MAPK8IP1: variants seen among roughly 807,000 people sequenced by gnomAD.
MAPK8IP1 encodes C-Jun-amino-terminal kinase-interacting protein 1.
Under a neutral mutation model 72.6 loss-of-function variants are expected in MAPK8IP1, and 17 were observed. The ratio of observed to expected loss-of-function variants is 0.23; its 90% CI spans 0.16 to 0.35. The LOEUF (loss-of-function observed/expected upper bound fraction) is 0.35, where lower values mean the gene tolerates loss of function less well. Among genes scored for constraint, MAPK8IP1 ranks in the 10% least tolerant of loss-of-function variants. The probability of loss-of-function intolerance (pLI) is 1.00; values close to 1 mark genes in which losing one functional copy is unlikely to be tolerated. For synonymous variants in MAPK8IP1, 401 were observed against 443.4 expected (o/e 0.90, Z 1.20); for missense variants, 789 against 1,009.7 (o/e 0.78, Z 2.96).
In MAPK8IP1 at chr11:45,904,323, G is replaced by A. The variant is rs1229998399; in HGVS notation, c.1667-132G>A. On this transcript the variant is annotated intron_variant, in intron 7 of 11. Coordinates refer to ENST00000241014, the MANE Select transcript of MAPK8IP1 (RefSeq NM_005456.4). The surrounding 1 kb of genome is among the most constrained non-coding windows in gnomAD (Gnocchi z 6.4). ...ATCAAGCAAAGTGAGGCCCGGCCAAGTTGGGCAGCCAGGGATTGTGGCAGC... is the reference window on the plus strand; with the variant it reads ...ATCAAGCAAAGTGAGGCCCGGCCAAATTGGGCAGCCAGGGATTGTGGCAGC... 1 of 1,190,670 alleles carries A rather than the reference G, an allele frequency of 8.4e-7. No homozygotes were observed. 73.8% of individuals were successfully genotyped at this position (1,190,670 alleles called of 1,614,324 possible). A position where few individuals can be genotyped will look rare whatever the true frequency, so the allele number is the denominator to read the frequency against.
chr11:45,903,359 C>T lies in MAPK8IP1; in HGVS notation c.1418-6C>T, dbSNP rs1212053792. 1 of 1,613,612 alleles carries T rather than the reference C, an allele frequency of 6.2e-7. No homozygotes were observed. Among genetic ancestry groups the T allele is most frequent in the Non-Finnish European group, 8.5e-7 (1 of 1,179,832 alleles). ...CCCCCATCCAGCCACACCACCTCAC[C>T]TGCAGGTGCTGAGTCCTTCGGGCTG... On this transcript the variant is annotated splice_region_variant and splice_polypyrimidine_tract_variant and intron_variant, in intron 5 of 11. Transcript: ENST00000241014. This position sits in a 1 kb window ranked among gnomAD's most constrained non-coding sequence, Gnocchi z 6.4.
chr11:45,904,383 A>G lies in MAPK8IP1; in HGVS notation c.1667-72A>G, dbSNP rs942336177. On this transcript the variant is annotated intron_variant, in intron 7 of 11. Coordinates refer to ENST00000241014, the MANE Select transcript of MAPK8IP1 (RefSeq NM_005456.4). The surrounding 1 kb of genome is among the most constrained non-coding windows in gnomAD (Gnocchi z 6.4). ...CTCTGCCATTCCCCGTGCCTCACCC[A>G]CCCTCCTTCACTTGGCTGCTCAGCT... 7.5e-7 allele frequency: 1 copy of G among 1,335,260 alleles called. No individual in the cohort carries two copies. Among genetic ancestry groups the G allele is most frequent in the Non-Finnish European group, 1.1e-6 (1 of 936,706 alleles). The allele number at this position is 1,335,260 out of a possible 1,614,324, so 82.7% of individuals were successfully genotyped here. A position where few individuals can be genotyped will look rare whatever the true frequency, so the allele number is the denominator to read the frequency against.
At position 45,892,491 on chromosome 11, in the gene MAPK8IP1, G is replaced by A. The variant is rs181394164; in HGVS notation, c.102-5594G>A. Among the ~76,000 whole-genome samples, 14 of 151,164 alleles carry A rather than the reference G, an allele frequency of 9.3e-5. No individual in the cohort carries two copies. The East Asian group carries it at 1.9e-3, about 21-fold the overall frequency. On this transcript the variant is annotated intron_variant, in intron 1 of 11. Transcript: ENST00000241014. The stretch of plus-strand genomic sequence containing the variant: ...TAACTGACTCCAAGGGGAGGCCACC[G>A]CGGGCCGCATAACCCAAAGGTAAAA...
At chr11:45,897,976 TG>T in intron 1 of MAPK8IP1, 108 bp from the exon 2 acceptor site, 2 of 712,278 alleles carry the variant, frequency 2.8e-6, no homozygotes, top group Non-Finnish European at 5.1e-6. Context: ...TCCTGTCCTC[TG>T]GGGGCTGTGT....
intron 1 of MAPK8IP1, chr11:45,896,489 GA>G: frequency 9.9e-7 from 1 of 1,011,030 alleles, no homozygotes; most frequent in Non-Finnish European, 1.2e-6. Flanking sequence ...CTGGGCCAGG[GA>G]GGGGGGGCCA....
In MAPK8IP1 at chr11:45,903,463, G is replaced by C. The variant is rs2086674894; in HGVS notation, c.1493+23G>C. On this transcript the variant is annotated intron_variant, in intron 6 of 11. Transcript: ENST00000241014. This position sits in a 1 kb window ranked among gnomAD's most constrained non-coding sequence, Gnocchi z 6.4. ...CAGGTGAGAGCCATGGGCTGGCTGG[G>C]CCTAGCCAGGCAGCAGTTTGGGCCA... 2.5e-6 allele frequency: 4 copies of C among 1,599,136 alleles called. No homozygotes were observed. The East Asian group carries it at 9.0e-5, about 36-fold the overall frequency.
At position 45,906,386 on chromosome 11, in the gene MAPK8IP1, C is replaced by T; in HGVS notation, c.*665C>T. On this transcript the variant is annotated 3_prime_UTR_variant, in exon 12 of 12. Coordinates refer to ENST00000241014, the MANE Select transcript of MAPK8IP1 (RefSeq NM_005456.4). ...GCCCTGTCCCAGCAGAAGAGGGAGG[C>T]TTCCTGACTGACACAGGCCAGCCCC... is the stretch of plus-strand genomic sequence containing the variant. 1.4e-6 allele frequency: 1 copy of T among 707,744 alleles called. No individual in the cohort carries two copies. The allele number at this position is 707,744 out of a possible 1,614,324, so 43.8% of individuals were successfully genotyped here.
chr11:45,904,609 G>A lies in MAPK8IP1; in HGVS notation c.1776+45G>A. 1 of 1,604,150 alleles carries A rather than the reference G, an allele frequency of 6.2e-7. No individual in the cohort carries two copies. Among genetic ancestry groups the A allele is most frequent in the Non-Finnish European group, 8.5e-7 (1 of 1,171,020 alleles). The stretch of plus-strand genomic sequence containing the variant: ...TCTCCTCCCTTGGATGGGTCCCTGG[G>A]GCAGAGGGACGCAGGTGTCTAGAGG... On this transcript the variant is annotated intron_variant, in intron 8 of 11. Transcript: ENST00000241014. This position sits in a 1 kb window ranked among gnomAD's most constrained non-coding sequence, Gnocchi z 6.4.
intron 1 of MAPK8IP1, among the ~76,000 whole-genome samples, chr11:45,894,215 T>C (rs2086586768): frequency 6.6e-6 from 1 of 152,182 alleles, no homozygotes. Flanking sequence ...GTTGTTGCAA[T>C]GAGGATTAAG....
chr11:45,902,820 G>A lies in MAPK8IP1; in HGVS notation c.1053G>A (p.Gly351=). Residue 351 remains glycine (G), a synonymous_variant, in exon 5 of 12, where the codon GGG becomes GGA. Transcript: ENST00000241014. The surrounding 1 kb of genome is among the most constrained non-coding windows in gnomAD (Gnocchi z 9.3). ...AGCGGGCTGAGCCCCCAGGCGGAGG[G>A]TGGCGGGGGAGCCTGGGGGAGCCGC... ...SPERAEPPGG[G]WRGSLGEPPP... 9 of 1,582,448 alleles carry A rather than the reference G, an allele frequency of 5.7e-6. No individual in the cohort carries two copies. Among genetic ancestry groups the A allele is most frequent in the Non-Finnish European group, 7.7e-6 (9 of 1,166,554 alleles).
At position 45,902,635 on chromosome 11, in the gene MAPK8IP1, C is replaced by T; in HGVS notation, c.868C>T (p.Pro290Ser). ...EIYLTPVQRP[P>S]DAAEPTSAFL... The stretch of plus-strand genomic sequence containing the variant: ...CTACCTGACCCCAGTGCAGAGGCCC[C>T]CAGACGCTGCAGAGCCCACCTCCGC... Residue 290 changes from proline (P) to serine (S), a missense_variant, in exon 5 of 12, where the codon CCA becomes TCA. This residue lies in a region of MAPK8IP1 where 377 missense variants were observed against 411.7 expected (regional missense o/e 0.92). Coordinates refer to ENST00000241014, the MANE Select transcript of MAPK8IP1 (RefSeq NM_005456.4). This position sits in a 1 kb window ranked among gnomAD's most constrained non-coding sequence, Gnocchi z 9.3. The T allele has an allele frequency of 6.2e-7, 1 of 1,612,992 alleles. No homozygotes were observed. The highest frequency in any genetic ancestry group is 8.5e-7 in the Non-Finnish European group (1 of 1,179,942).
chr11:45,896,555 C>T, intron 1 of MAPK8IP1: 2 of 1,209,654 alleles, frequency 1.7e-6, no homozygotes, highest in Non-Finnish European at 2.1e-6. Context: ...GCATTGATTG[C>T]AGTAACCTGA....
intron 2 of MAPK8IP1, among the ~76,000 whole-genome samples, chr11:45,899,386 C>T (rs561581388): frequency 2.0e-4 from 30 of 152,394 alleles, no homozygotes; most frequent in African/African-American, 6.5e-4. Context: ...GCGGGCTTCA[C>T]ACACGTTCCA....
chr11:45,902,716 G>A lies in MAPK8IP1; in HGVS notation c.949G>A (p.Ala317Thr), dbSNP rs200600045. Residue 317 changes from alanine to threonine, a missense_variant, in exon 5 of 12, where the codon GCC (alanine) becomes ACC (threonine). Around this residue, in one of 4 missense-constraint regions of MAPK8IP1, gnomAD observed 377 missense variants for 411.7 expected, o/e 0.92. Transcript: ENST00000241014. This position sits in a 1 kb window ranked among gnomAD's most constrained non-coding sequence, Gnocchi z 9.3. Reference protein sequence around the residue: ...MSVSSDPDPAAYPSTAGRPHP... With the variant: ...MSVSSDPDPATYPSTAGRPHP... ...AGTCAGCTCCGATCCAGACCCTGCC[G>A]CCTACCCCTCCACGGCAGGGCGGCC... 57 of 1,608,420 alleles carry A rather than the reference G, an allele frequency of 3.5e-5. No homozygotes were observed. The highest frequency in any genetic ancestry group is 3.3e-4 in the Middle Eastern group (2 of 6,080).
At chr11:45,892,287 A>G (rs1367283810) in intron 1 of MAPK8IP1, among the ~76,000 whole-genome samples, 1 of 152,068 alleles carries the variant, frequency 6.6e-6, no homozygotes, top group East Asian at 1.9e-4. Flanking sequence ...CCTAGCCCAG[A>G]CTCTGGTGTA....
At chr11:45,889,573 A>G (rs1590781554) in intron 1 of MAPK8IP1, among the ~76,000 whole-genome samples, 1 of 152,174 alleles carries the variant, frequency 6.6e-6, no homozygotes, top group Admixed American at 6.5e-5. Context: ...AACAGCAGAG[A>G]CAAAGGGGGT....
Position 45,906,021 on chromosome 11 carries a change from C to T in MAPK8IP1, c.*300C>T, listed in dbSNP as rs924508320. On this transcript the variant is annotated 3_prime_UTR_variant, in exon 12 of 12. Transcript: ENST00000241014. ...GAAGGATGTCCGTTCCAGGAGCACA[C>T]GGCCCTGCCCCATCCTGGGCCTTAC... 1.6e-4 allele frequency: 88 copies of T among 535,264 alleles called. No individual in the cohort carries two copies. Among genetic ancestry groups the T allele is most frequent in the Non-Finnish European group, 2.3e-4 (69 of 295,770 alleles). 33.2% of individuals were successfully genotyped at this position (535,264 alleles called of 1,614,324 possible).
Position 45,903,927 on chromosome 11 carries a change from A to G in MAPK8IP1, c.1494-62A>G. The G allele has an allele frequency of 1.3e-6, 2 of 1,485,932 alleles. No individual in the cohort carries two copies. The highest frequency in any genetic ancestry group is 2.3e-5 in the South Asian group (2 of 88,526). The allele number at this position is 1,485,932 out of a possible 1,614,324, so 92.0% of individuals were successfully genotyped here. ...GATGCTGCTGTGGCTCCCAGACCCCAGAGTAGGCCTGGCTGGACAGGCCTT... is the reference window on the plus strand; with the variant it reads ...GATGCTGCTGTGGCTCCCAGACCCCGGAGTAGGCCTGGCTGGACAGGCCTT... On this transcript the variant is annotated intron_variant, in intron 6 of 11. Transcript: ENST00000241014. This position sits in a 1 kb window ranked among gnomAD's most constrained non-coding sequence, Gnocchi z 6.4.
At position 45,906,458 on chromosome 11, in the gene MAPK8IP1, T is replaced by C; in HGVS notation, c.*737T>C. The C allele has an allele frequency of 7.4e-7, 1 of 1,346,440 alleles. No homozygotes were observed. Among genetic ancestry groups the C allele is most frequent in the South Asian group, 1.8e-5 (1 of 56,134 alleles). 83.4% of individuals were successfully genotyped at this position (1,346,440 alleles called of 1,614,324 possible). ...CCCCAACTATTAAAGTGCCATTTCC[T>C]GTCTGGACTGCAGTGGATGTATCTG... On this transcript the variant is annotated 3_prime_UTR_variant, in exon 12 of 12. Coordinates refer to ENST00000241014, the MANE Select transcript of MAPK8IP1 (RefSeq NM_005456.4).
Sources: gnomAD v4.1 joint callset for allele counts (sites outside exome capture counted in the v4.1 genomes callset) on GRCh38, gnomAD v4.1.1 for gene constraint, gnomAD v4.1.1 regional missense constraint, Gnocchi (gnomAD v3.1) non-coding constraint, MANE v1.5 for transcripts, NCBI Gene and HGNC (gene_info 2026-07-23, HGNC 2026-07-21) for gene names.